The following BLZF1 variants were observed in gnomAD, a reference collection of about 807,000 sequenced individuals.
BLZF1 encodes the protein golgin-45.
A neutral mutation model predicts 43.8 loss-of-function variants in BLZF1; 39 were observed. The observed-to-expected ratio is 0.89, with a 90% CI of 0.69 to 1.16. The LOEUF (loss-of-function observed/expected upper bound fraction) is 1.16, where lower values mean the gene tolerates loss of function less well. Ranked by LOEUF, BLZF1 falls within the 50% of genes most tolerant of loss-of-function variation. The pLI, the probability that BLZF1 is intolerant of heterozygous loss-of-function variation, is 0.00. For synonymous variants in BLZF1, 136 were observed against 159.4 expected, an observed-to-expected ratio of 0.85 and a Z score of 1.11; for missense variants, 449 against 469.8, an observed-to-expected ratio of 0.96 and a Z score of 0.41.
intron 6 of BLZF1, among the ~76,000 whole-genome samples, chr1:169,384,917 T>C (rs1003283430): frequency 2.0e-5 from 3 of 152,220 alleles, no homozygotes; most frequent in African/African-American, 7.2e-5. Context: ...TCTGGCATAA[T>C]CCCTTGCACA....
chr1:169,387,069 A>C lies in BLZF1; in HGVS notation c.1090A>C (p.Thr364Pro). ...PDNPFFESSP[T>P]TLLATKKNIG... ...TAATCCATTTTTTGAGTCTTCACCAACCACCTTACTTGCTACAAAGAAAAA... is the reference window on the plus strand; with the variant it reads ...TAATCCATTTTTTGAGTCTTCACCACCCACCTTACTTGCTACAAAGAAAAA... The change falls in exon 7 of 7, where the codon ACC (threonine) becomes CCC (proline). Residue 364 changes from threonine (T) to proline (P), a missense_variant. Physicochemically the swap from Thr to Pro is conservative, Grantham distance 38 (BLOSUM62 -1). Transcript: ENST00000367808. 6.2e-7 allele frequency: 1 copy of C among 1,613,540 alleles called. No homozygotes were observed. Among genetic ancestry groups the C allele is most frequent in the Non-Finnish European group, 8.5e-7 (1 of 1,179,702 alleles).
At chr1:169,390,409 G>C (rs1654789817), downstream of BLZF1, among the ~76,000 whole-genome samples, 1 of 151,914 alleles carries the variant, frequency 6.6e-6, no homozygotes, top group Admixed American at 6.6e-5. Flanking sequence ...TCTTTAAAAA[G>C]AAAGACCAAA....
chr1:169,394,681 G>A (rs1216075124), intron 7 of BLZF1, among the ~76,000 whole-genome samples: 1 of 152,156 alleles, frequency 6.6e-6, no homozygotes, highest in Non-Finnish European at 1.5e-5. Flanking sequence ...GCTTGTTTAA[G>A]GAGTCACTCC....
At chr1:169,394,484 C>T (rs776874026) in intron 7 of BLZF1, among the ~76,000 whole-genome samples, 8 of 152,014 alleles carry the variant, frequency 5.3e-5, no homozygotes, top group Non-Finnish European at 1.0e-4. Context: ...CTTCCCTCAC[C>T]CCCAGGAGTC....
chr1:169,379,268 T>G (rs1003775980), intron 4 of BLZF1, among the ~76,000 whole-genome samples: 1 of 152,022 alleles, frequency 6.6e-6, no homozygotes, highest in African/African-American at 2.4e-5. Flanking sequence ...GGTTTACAGG[T>G]TGTATTTGAG....
chr1:169,381,460 A>G (rs1020201858), intron 5 of BLZF1, among the ~76,000 whole-genome samples: 1 of 152,166 alleles, frequency 6.6e-6, no homozygotes. Flanking sequence ...GCTAGTAAAC[A>G]TCTAAGGAAG....
chr1:169,389,167 G>A (rs920189919), downstream of BLZF1, among the ~76,000 whole-genome samples: 7 of 149,768 alleles, frequency 4.7e-5, no homozygotes, highest in African/African-American at 1.5e-4. Context: ...GGTAGTGGAC[G>A]CCTGTATACC....
At chr1:169,375,437 G>A (rs1654286405) in intron 2 of BLZF1, among the ~76,000 whole-genome samples, 1 of 89,860 alleles carries the variant, frequency 1.1e-5, no homozygotes, top group Non-Finnish European at 2.3e-5. Context: ...TATATGGTCT[G>A]GCTGGACAGT....
chr1:169,378,542 G>A lies in BLZF1; in HGVS notation c.668+13G>A, dbSNP rs1654435871. 1 of 1,609,120 alleles carries A rather than the reference G, an allele frequency of 6.2e-7. No homozygotes were observed. Among genetic ancestry groups the A allele is most frequent in the Non-Finnish European group, 8.5e-7 (1 of 1,176,364 alleles). ...TCCTTGCAAGCAGGTATTTTCTACA[G>A]CAAATAGTATTTCACTTCCTAGTTT... On this transcript the variant is annotated intron_variant, in intron 4 of 6. Transcript: ENST00000367808.
rs1267544941 is a variant in BLZF1 at position 169,387,520 on chromosome 1, AGT to A, written c.*341_*342del. The A allele has an allele frequency of 5.2e-6, 1 of 190,550 alleles. No individual in the cohort carries two copies. The highest frequency in any genetic ancestry group is 1.1e-5 in the Non-Finnish European group (1 of 94,758). 11.8% of individuals were successfully genotyped at this position (190,550 alleles called of 1,614,324 possible). A position where few individuals can be genotyped will look rare whatever the true frequency, so the allele number is the denominator to read the frequency against. ...ATCTTGCTGGATATTTTATATGAAC[AGT>A]GTTAATTTAGATGCACTAAAGCAAA... On this transcript the variant is annotated 3_prime_UTR_variant, in exon 7 of 7. Coordinates refer to ENST00000367808, the MANE Select transcript of BLZF1 (RefSeq NM_001320973.2).
chr1:169,391,741 G>C (rs1414779176), downstream of BLZF1, among the ~76,000 whole-genome samples: 1 of 132,254 alleles, frequency 7.6e-6, no homozygotes. Context: ...AGTCCTGAAG[G>C]CCTTCCTCTG....
At chr1:169,384,586 C>G (rs1571443394) in intron 6 of BLZF1, among the ~76,000 whole-genome samples, 1 of 152,218 alleles carries the variant, frequency 6.6e-6, no homozygotes, top group East Asian at 1.9e-4. Context: ...CTGCACTTAA[C>G]ATTCCAGCAG....
At chr1:169,378,257 T>G in intron 3 of BLZF1, 73 bp from the exon 4 acceptor site, 1 of 1,430,832 alleles carries the variant, frequency 7.0e-7, no homozygotes, top group Non-Finnish European at 9.7e-7. Context: ...CACAGTCTCT[T>G]TTTGTTAATT....
rs557609380 is a variant in BLZF1 at position 169,377,757 on chromosome 1, C to T, written c.469-573C>T. 1.1e-4 allele frequency among the ~76,000 whole-genome samples: 16 copies of T among 152,042 alleles called. 1 individual carries two copies. The South Asian group carries it at 3.1e-3, about 29-fold the overall frequency. On this transcript the variant is annotated intron_variant, in intron 3 of 6. Transcript: ENST00000367808. ...TTCAGTTATTAATGTTCTGCCATGT[C>T]ACAGAATATTCTATTACAGTGTCAT...
chr1:169,382,130 CCCACAGCACAGCAG>C lies in BLZF1; in HGVS notation c.867_880del (p.His290AlafsTer23). 1 of 1,613,832 alleles carries C rather than the reference CCCACAGCACAGCAG, an allele frequency of 6.2e-7. No homozygotes were observed. The highest frequency in any genetic ancestry group is 8.5e-7 in the Non-Finnish European group (1 of 1,179,796). On this transcript the variant is annotated frameshift_variant, in exon 6 of 7. Coordinates refer to ENST00000367808, the MANE Select transcript of BLZF1 (RefSeq NM_001320973.2). LOFTEE classifies it high-confidence loss of function. Reference sequence around the variant, plus strand: ...CAAACTTACTCCCCTAGTGTACAACCCCACAGCACAGCAGAGCTAGCATTAACAAATCACAAGTT... The same window carrying C: ...CAAACTTACTCCCCTAGTGTACAACCAGCTAGCATTAACAAATCACAAGTT...
intron 1 of BLZF1, 71 bp from the exon 2 acceptor site, chr1:169,369,402 C>T: frequency 1.4e-6 from 1 of 738,506 alleles, no homozygotes; most frequent in Non-Finnish European, 2.1e-6. Flanking sequence ...AATATCATAA[C>T]TTTTAAATTG....
intron 3 of BLZF1, chr1:169,377,256 G>A (rs1654388862): frequency 1.5e-5 from 6 of 405,690 alleles, no homozygotes; most frequent in African/African-American, 4.1e-5. Flanking sequence ...ATTATAAACT[G>A]CCAGACCAAA....
At chr1:169,378,223 C>G in intron 3 of BLZF1, 107 bp from the exon 4 acceptor site, 1 of 1,059,074 alleles carries the variant, frequency 9.4e-7, no homozygotes, top group Non-Finnish European at 1.4e-6. Context: ...CTTCAAGTCA[C>G]GGAGGTCCAA....
At chr1:169,390,593 A>T (rs1654793984), downstream of BLZF1, among the ~76,000 whole-genome samples, 1 of 152,210 alleles carries the variant, frequency 6.6e-6, no homozygotes, top group Admixed American at 6.5e-5. Context: ...GTCCACTCTC[A>T]TGGTGCTACA....
Sources: allele counts gnomAD v4.1 joint callset (sites outside exome capture counted in the v4.1 genomes callset), GRCh38; gene constraint gnomAD v4.1.1; transcripts MANE v1.5; gene names NCBI Gene and HGNC (gene_info 2026-07-23, HGNC 2026-07-21).